The following CNTN4 variants were observed in gnomAD, a reference collection of about 807,000 sequenced individuals.
The protein encoded by CNTN4 is contactin-4.
CNTN4 carries 77 observed loss-of-function variants against 122.5 expected under a neutral mutation model. The observed-to-expected ratio is 0.63, with a 90% CI of 0.52 to 0.76. The LOEUF (loss-of-function observed/expected upper bound fraction) is 0.76, where lower values mean the gene tolerates loss of function less well. Among genes scored for constraint, CNTN4 ranks in the 30% least tolerant of loss-of-function variants. The pLI is 0.00. For missense variants in CNTN4, 1,256 were observed against 1,259.1 expected (o/e 1.00, Z 0.04); for synonymous variants, 512 against 447.0 (o/e 1.15, Z -1.83).
At chr3:2,318,852 A>G (rs1233893527) in intron 2 of CNTN4, among the ~76,000 whole-genome samples, 2 of 152,096 alleles carry the variant, frequency 1.3e-5, no homozygotes, top group Non-Finnish European at 2.9e-5. Context: ...TATGTTGCCA[A>G]GGTTTGTCTT....
chr3:2,573,370 TC>T (rs1266499025), intron 4 of CNTN4, among the ~76,000 whole-genome samples: 1 of 152,128 alleles, frequency 6.6e-6, no homozygotes, highest in Non-Finnish European at 1.5e-5. Context: ...ATTATTTATT[TC>T]CCCCATCTGG....
intron 2 of CNTN4, among the ~76,000 whole-genome samples, chr3:2,320,142 T>A (rs1217173019): frequency 1.3e-5 from 2 of 152,150 alleles, no homozygotes; most frequent in Non-Finnish European, 2.9e-5. Context: ...TTAGACTGAA[T>A]TTGTTCTTAA....
intron 2 of CNTN4, among the ~76,000 whole-genome samples, chr3:2,206,829 G>T (rs1009776250): frequency 6.7e-6 from 1 of 150,270 alleles, no homozygotes; most frequent in Non-Finnish European, 1.5e-5. Flanking sequence ...ACAATACAGG[G>T]ATACCTCATC....
intron 3 of CNTN4, among the ~76,000 whole-genome samples, chr3:2,497,471 T>G (rs1256430929): frequency 1.3e-5 from 2 of 152,184 alleles, no homozygotes; most frequent in African/African-American, 4.8e-5. Flanking sequence ...CACCTTGACT[T>G]GTATAATGAA....
At chr3:2,667,243 C>G (rs2084222209) in intron 4 of CNTN4, among the ~76,000 whole-genome samples, 1 of 152,158 alleles carries the variant, frequency 6.6e-6, no homozygotes, top group African/African-American at 2.4e-5. Flanking sequence ...CACATCCTCT[C>G]CAGCACCTGC....
In CNTN4 at chr3:2,544,547, T is replaced by C. The variant is rs548526050; in HGVS notation, c.-88-26869T>C. Among the ~76,000 whole-genome samples, 54 of 152,224 alleles carry C rather than the reference T, an allele frequency of 3.5e-4. 2 individuals carry two copies. In the Middle Eastern group the frequency reaches 0.01, roughly 29 times the overall value. On this transcript the variant is annotated intron_variant, in intron 3 of 24. Transcript: ENST00000418658. ...GTTTCTGTCCTCAAGAAACTTATAA[T>C]TGGGAAAAGAAAACAAAGTACAGTA...
chr3:2,336,134 G>C (rs2043944956), intron 2 of CNTN4, among the ~76,000 whole-genome samples: 1 of 152,122 alleles, frequency 6.6e-6, no homozygotes, highest in African/African-American at 2.4e-5. Context: ...TTACGGTCCT[G>C]AGAGGTTATG....
intron 13 of CNTN4, among the ~76,000 whole-genome samples, chr3:2,955,276 A>G (rs1418008742): frequency 2.6e-5 from 4 of 152,236 alleles, no homozygotes. Flanking sequence ...TCAAGGCTAA[A>G]GTGCACCTAA....
intron 7 of CNTN4, among the ~76,000 whole-genome samples, chr3:2,859,197 T>G (rs936751040): frequency 6.6e-6 from 1 of 152,236 alleles, no homozygotes; most frequent in South Asian, 2.1e-4. Flanking sequence ...CTTTGCATAA[T>G]GTCCTCCAGG....
intron 7 of CNTN4, among the ~76,000 whole-genome samples, chr3:2,826,496 C>G (rs1291032937): frequency 1.3e-5 from 2 of 152,184 alleles, no homozygotes; most frequent in African/African-American, 2.4e-5. Flanking sequence ...GCTGTATTTA[C>G]TGTAGGACAG....
At chr3:2,173,890 A>G (rs2036623153) in intron 2 of CNTN4, among the ~76,000 whole-genome samples, 1 of 152,246 alleles carries the variant, frequency 6.6e-6, no homozygotes, top group Non-Finnish European at 1.5e-5. Flanking sequence ...AAAAAACAGA[A>G]TCGGAAAAAT....
chr3:2,871,992 G>A (rs1044794066), intron 8 of CNTN4, among the ~76,000 whole-genome samples: 3 of 152,042 alleles, frequency 2.0e-5, no homozygotes, highest in African/African-American at 7.2e-5. Flanking sequence ...AACCATGAGA[G>A]GGAGAAAGTA....
chr3:2,981,336 C>A (rs968121492), intron 13 of CNTN4, among the ~76,000 whole-genome samples: 1 of 151,580 alleles, frequency 6.6e-6, no homozygotes, highest in Non-Finnish European at 1.5e-5. Context: ...CCCAGCTACT[C>A]GGGAGGCTGA....
chr3:2,376,253 A>G (rs185756529), intron 3 of CNTN4, among the ~76,000 whole-genome samples: 54 of 152,292 alleles, frequency 3.5e-4, no homozygotes, highest in African/African-American at 1.3e-3. Flanking sequence ...AACAGTTTCT[A>G]TCGAACTATT....
chr3:2,235,276 T>A (rs2039637492), intron 2 of CNTN4, among the ~76,000 whole-genome samples: 2 of 152,188 alleles, frequency 1.3e-5, no homozygotes, highest in South Asian at 4.1e-4. Flanking sequence ...GGATTATGCA[T>A]GCTATGATAA....
chr3:2,503,126 G>C (rs1303093514), intron 3 of CNTN4, among the ~76,000 whole-genome samples: 1 of 152,112 alleles, frequency 6.6e-6, no homozygotes, highest in East Asian at 1.9e-4. Context: ...ACAATGCATT[G>C]TGCCCAAGTA....
At chr3:2,927,363 C>G in intron 13 of CNTN4, 1 of 454,804 alleles carries the variant, frequency 2.2e-6, no homozygotes, top group South Asian at 1.6e-5. Context: ...CCAAGATGCT[C>G]TGGACGTTGC....
intron 2 of CNTN4, among the ~76,000 whole-genome samples, chr3:2,304,471 G>A (rs1399844195): frequency 6.6e-6 from 1 of 152,022 alleles, no homozygotes; most frequent in African/African-American, 2.4e-5. Context: ...AATTTTACAT[G>A]ATCCTTGACA....
chr3:2,672,408 C>T lies in CNTN4; in HGVS notation c.56-63807C>T, dbSNP rs145218677. Among the ~76,000 whole-genome samples, 554 of 152,318 alleles carry T rather than the reference C, an allele frequency of 3.6e-3. 5 individuals are homozygous for T. Among genetic ancestry groups the T allele is most frequent in the African/African-American group, 0.012 (490 of 41,582 alleles). On this transcript the variant is annotated intron_variant, in intron 4 of 24. Transcript: ENST00000418658. ...GAGGCTCCATGGATGTAGGACCCTC[C>T]GAGCCATGCGCGGGATATAATCTCC...
Sources: allele counts gnomAD v4.1 joint callset (sites outside exome capture counted in the v4.1 genomes callset), GRCh38; gene constraint gnomAD v4.1.1; transcripts MANE v1.5; gene names NCBI Gene and HGNC (gene_info 2026-07-23, HGNC 2026-07-21).